Variants in SYNE3 observed in about 807,000 individuals in gnomAD.
SYNE3 encodes nesprin-3.
SYNE3 carries 100 observed loss-of-function variants against 111.2 expected under a neutral mutation model. That is an observed-to-expected ratio of 0.90 (90% CI 0.77 to 1.06). The LOEUF (loss-of-function observed/expected upper bound fraction) is 1.06, where lower values mean the gene tolerates loss of function less well. SYNE3 is among the 50% of genes least tolerant of loss of function. The pLI is 0.00. For missense variants in SYNE3, 1,160 were observed against 1,240.3 expected, an observed-to-expected ratio of 0.94 and a Z score of 0.97; for synonymous variants, 547 against 533.9, an observed-to-expected ratio of 1.02 and a Z score of -0.34.
chr14:95,499,203 C>T (rs955983056), intron 1 of SYNE3, among the ~76,000 whole-genome samples: 1 of 152,218 alleles, frequency 6.6e-6, no homozygotes, highest in Admixed American at 6.5e-5. Context: ...GCCAGTTTTG[C>T]AGGAGGCAGG....
At chr14:95,479,484 C>G (rs1158448478) in intron 1 of SYNE3, among the ~76,000 whole-genome samples, 2 of 152,090 alleles carry the variant, frequency 1.3e-5, no homozygotes, top group Non-Finnish European at 2.9e-5. Context: ...CCTTGGGAAC[C>G]TGCATCCAGA....
At position 95,475,846 on chromosome 14, in the gene SYNE3, G is replaced by A; in HGVS notation, c.-14-11C>T. 6.7e-7 allele frequency: 1 copy of A among 1,498,410 alleles called. No individual in the cohort carries two copies. Among genetic ancestry groups the A allele is most frequent in the Non-Finnish European group, 8.9e-7 (1 of 1,124,082 alleles). The allele number at this position is 1,498,410 out of a possible 1,614,324, so 92.8% of individuals were successfully genotyped here. A position where few individuals can be genotyped will look rare whatever the true frequency, so the allele number is the denominator to read the frequency against. ...TGGCACCTGCAGGGGCTGAAGAAAG[G>A]GCCACAGATAAGGCCAACAGGCAGG... is the stretch of plus-strand genomic sequence containing the variant. On this transcript the variant is annotated splice_polypyrimidine_tract_variant and intron_variant, in intron 1 of 17. Coordinates refer to ENST00000682763, the MANE Select transcript of SYNE3 (RefSeq NM_152592.6).
chr14:95,467,643 G>T, intron 3 of SYNE3, 152 bp downstream of exon 3: 1 of 879,352 alleles, frequency 1.1e-6, no homozygotes, highest in Non-Finnish European at 1.7e-6. Context: ...TTAGAAAGAG[G>T]CAGGCAGGGC....
At chr14:95,496,288 C>A (rs1422926101) in intron 1 of SYNE3, among the ~76,000 whole-genome samples, 1 of 152,222 alleles carries the variant, frequency 6.6e-6, no homozygotes, top group East Asian at 1.9e-4. Context: ...TGACAAAGCT[C>A]AATGTCTCTT....
In SYNE3 at chr14:95,449,849, C is replaced by G. The variant is rs112954769; in HGVS notation, c.1449+82G>C. ...ATATCCGGAGGACCCGGAAACGGAC[C>G]TTCCCCTGGGAGAGAGACTGAAACA... On this transcript the variant is annotated intron_variant, in intron 8 of 17. Coordinates refer to ENST00000682763, the MANE Select transcript of SYNE3 (RefSeq NM_152592.6). 1.3e-4 allele frequency: 202 copies of G among 1,498,834 alleles called. 3 individuals are homozygous for G. The African/African-American group carries it at 2.4e-3, about 18-fold the overall frequency. The allele number at this position is 1,498,834 out of a possible 1,614,324, so 92.8% of individuals were successfully genotyped here.
At chr14:95,423,475 T>A (rs1004279219) in intron 17 of SYNE3, among the ~76,000 whole-genome samples, 1 of 151,824 alleles carries the variant, frequency 6.6e-6, no homozygotes, top group African/African-American at 2.4e-5. Context: ...TGCTTTTTGC[T>A]GATAGGGGCA....
intron 1 of SYNE3, among the ~76,000 whole-genome samples, chr14:95,510,849 C>T (rs924770318): frequency 6.6e-6 from 1 of 152,182 alleles, no homozygotes; most frequent in African/African-American, 2.4e-5. Context: ...TGCACCACTG[C>T]CCATGCCACA....
rs965635621 is a variant in SYNE3, at chr14:95,449,985, G to T, written c.1395C>A (p.Val465=). The part of the protein sequence containing the change: ...WKALAQRLLE[V]TASLPDLPSL... ...AAGGCAGGTCCGGCAGGCTGGCAGT[G>T]ACCTCCAAGAGCCGCTGGGCCAGGG... Residue 465 remains valine, a synonymous_variant, in exon 8 of 18, where the codon GTC becomes GTA. Transcript: ENST00000682763. 4.5e-6 allele frequency: 7 copies of T among 1,554,774 alleles called. No homozygotes were observed. The East Asian group carries it at 1.7e-4, about 38-fold the overall frequency.
chr14:95,506,548 G>A (rs575191243), intron 1 of SYNE3, among the ~76,000 whole-genome samples: 45 of 152,354 alleles, frequency 3.0e-4, no homozygotes, highest in Non-Finnish European at 5.0e-4. Flanking sequence ...CAGCAGCTGC[G>A]CCCTGTTCAA....
intron 17 of SYNE3, among the ~76,000 whole-genome samples, chr14:95,424,255 G>A (rs1885315570): frequency 6.6e-6 from 1 of 151,978 alleles, no homozygotes. Flanking sequence ...AAGAGACAGT[G>A]CATAAACCAG....
chr14:95,424,457 A>T (rs1885325694), intron 17 of SYNE3, among the ~76,000 whole-genome samples: 1 of 152,172 alleles, frequency 6.6e-6, no homozygotes, highest in South Asian at 2.1e-4. Flanking sequence ...ATGAAGAAAG[A>T]GGCATTGTAT....
chr14:95,457,816 T>C, intron 4 of SYNE3, among the ~76,000 whole-genome samples: 1 of 152,086 alleles, frequency 6.6e-6, no homozygotes, highest in East Asian at 1.9e-4. Flanking sequence ...GACACCAAGA[T>C]ACAGAGAGGT....
chr14:95,516,459 A>C (rs1307913795), intron 1 of SYNE3, among the ~76,000 whole-genome samples, 137 bp downstream of exon 1: 1 of 150,814 alleles, frequency 6.6e-6, no homozygotes, highest in African/African-American at 2.4e-5. Context: ...GCGCCTCCCC[A>C]GGTCCCCCAG....
At chr14:95,460,716 C>A (rs1363267722) in intron 4 of SYNE3, among the ~76,000 whole-genome samples, 2 of 152,202 alleles carry the variant, frequency 1.3e-5, no homozygotes, top group Non-Finnish European at 2.9e-5. Flanking sequence ...GCTTCCCCTT[C>A]CTGCAGGGTT....
intron 4 of SYNE3, among the ~76,000 whole-genome samples, chr14:95,462,615 G>A (rs1031945608): frequency 2.6e-5 from 4 of 152,168 alleles, no homozygotes; most frequent in East Asian, 1.9e-4. Context: ...ACTGCCAGGC[G>A]GGCCTTTGCC....
chr14:95,493,872 G>C (rs1385261544), intron 1 of SYNE3, among the ~76,000 whole-genome samples: 3 of 152,194 alleles, frequency 2.0e-5, no homozygotes, highest in Non-Finnish European at 2.9e-5. Flanking sequence ...CAATTCAATA[G>C]CATTTGTTGA....
At chr14:95,430,292 G>A (rs778012446) in intron 17 of SYNE3, among the ~76,000 whole-genome samples, 11 of 152,076 alleles carry the variant, frequency 7.2e-5, no homozygotes, top group Admixed American at 1.3e-4. Context: ...AGCTAGAGTC[G>A]GTCTGGACAC....
intron 5 of SYNE3, 64 bp from the exon 6 acceptor site, chr14:95,455,788 C>T: frequency 6.6e-7 from 1 of 1,516,966 alleles, no homozygotes; most frequent in African/African-American, 1.4e-5. Context: ...GCTGCATTTT[C>T]CAGAGCAGAC....
chr14:95,439,929 T>C lies in SYNE3; in HGVS notation c.2058A>G (p.Gln686=), dbSNP rs1886315320. The C allele has an allele frequency of 2.5e-6, 4 of 1,612,794 alleles. No individual in the cohort carries two copies. Among genetic ancestry groups the C allele is most frequent in the Admixed American group, 1.7e-5 (1 of 59,870 alleles). Reference sequence around the variant, plus strand: ...ACCGCCTTACCTCAAACTCGGCCTCTTGGGACTCGGCATCCCCCGGGCCCG... The same window carrying C: ...ACCGCCTTACCTCAAACTCGGCCTCCTGGGACTCGGCATCCCCCGGGCCCG... ...GEAGPGDAES[Q]EAEFERLVAE... The change falls in exon 12 of 18, where the codon CAA becomes CAG. Residue 686 remains glutamine (Q), a synonymous_variant. Transcript: ENST00000682763.
Sources: allele counts gnomAD v4.1 joint callset (sites outside exome capture counted in the v4.1 genomes callset), GRCh38; gene constraint gnomAD v4.1.1; transcripts MANE v1.5; gene names NCBI Gene and HGNC (gene_info 2026-07-23, HGNC 2026-07-21).